Variants in IPMK observed in about 807,000 individuals in gnomAD.
IPMK encodes inositol 1,3,4,6-tetrakisphosphate 5-kinase.
In IPMK, 17 loss-of-function variants were observed where a neutral mutation model predicts 45.8. The ratio of observed to expected loss-of-function variants is 0.37; its 90% CI spans 0.25 to 0.56. The LOEUF (loss-of-function observed/expected upper bound fraction) is 0.56, where lower values mean the gene tolerates loss of function less well. IPMK is among the 20% of genes least tolerant of loss of function. The pLI is 0.79. For synonymous variants in IPMK, 180 were observed against 184.3 expected (o/e 0.98, Z 0.19); for missense variants, 399 against 498.0 (o/e 0.80, Z 1.89).
chr10:58,227,290 T>C, intron 2 of IPMK, 151 bp from the exon 3 acceptor site: 1 of 576,860 alleles, frequency 1.7e-6, no homozygotes, highest in East Asian at 2.9e-5. Flanking sequence ...TATTACTGTG[T>C]GTCTCCAATG....
At chr10:58,208,109 T>A (rs532389190) in intron 4 of IPMK, among the ~76,000 whole-genome samples, 40 of 151,954 alleles carry the variant, frequency 2.6e-4, no homozygotes, top group South Asian at 6.2e-4. Flanking sequence ...CCCGGCTAAT[T>A]TTTTGTATTT....
intron 1 of IPMK, among the ~76,000 whole-genome samples, chr10:58,266,168 T>C (rs1588976417): frequency 6.6e-6 from 1 of 151,510 alleles, no homozygotes. Flanking sequence ...CAATATTTCC[T>C]GAGTGTTACT....
chr10:58,201,018 T>C (rs951894455), intron 4 of IPMK, among the ~76,000 whole-genome samples: 2 of 152,146 alleles, frequency 1.3e-5, no homozygotes, highest in African/African-American at 2.4e-5. Context: ...AAAAAAACTG[T>C]TTGAAATTTA....
At chr10:58,255,151 C>T (rs754831912) in intron 1 of IPMK, among the ~76,000 whole-genome samples, 59 of 152,220 alleles carry the variant, frequency 3.9e-4, no homozygotes, top group Non-Finnish European at 1.0e-4. Flanking sequence ...GTCTCTTCAA[C>T]GTGGTTTCCC....
At chr10:58,242,171 A>T (rs1465609632) in intron 1 of IPMK, among the ~76,000 whole-genome samples, 3 of 152,198 alleles carry the variant, frequency 2.0e-5, no homozygotes, top group African/African-American at 7.2e-5. Context: ...CAGACAGGGG[A>T]ACTTAACCAT....
intron 3 of IPMK, among the ~76,000 whole-genome samples, chr10:58,225,943 A>C (rs1390631594): frequency 6.6e-6 from 1 of 152,186 alleles, no homozygotes; most frequent in Admixed American, 6.5e-5. Context: ...TGTTGATCTG[A>C]ATCATAGACA....
Position 58,195,915 on chromosome 10 carries a change from G to A in IPMK, c.*161C>T. The A allele has an allele frequency of 6.0e-6, 4 of 666,066 alleles. No homozygotes were observed. Among genetic ancestry groups the A allele is most frequent in the Non-Finnish European group, 1.0e-5 (4 of 398,122 alleles). 41.3% of individuals were successfully genotyped at this position (666,066 alleles called of 1,614,324 possible). ...TAATGAACAAATAGTTAGTTTTCCTGAGTAAGATTATAAAAAAGTTAACCA... is the reference window on the plus strand; with the variant it reads ...TAATGAACAAATAGTTAGTTTTCCTAAGTAAGATTATAAAAAAGTTAACCA... On this transcript the variant is annotated 3_prime_UTR_variant, in exon 6 of 6. Transcript: ENST00000373935.
chr10:58,252,273 C>T (rs780940052), intron 1 of IPMK, among the ~76,000 whole-genome samples: 1 of 152,142 alleles, frequency 6.6e-6, no homozygotes, highest in Non-Finnish European at 1.5e-5. Flanking sequence ...ACTTTAACAC[C>T]ATATCACCCC....
At chr10:58,230,156 C>A (rs181187687) in intron 2 of IPMK, among the ~76,000 whole-genome samples, 1 of 152,314 alleles carries the variant, frequency 6.6e-6, no homozygotes, top group South Asian at 2.1e-4. Context: ...CTGGGAAGCT[C>A]GAACTGGGTG....
At chr10:58,225,815 T>C (rs1838405460) in intron 3 of IPMK, among the ~76,000 whole-genome samples, 1 of 152,078 alleles carries the variant, frequency 6.6e-6, no homozygotes, top group South Asian at 2.1e-4. Flanking sequence ...TCCTGAAAAC[T>C]TCCACTTACA....
Position 58,267,582 on chromosome 10 carries a change from C to A in IPMK, c.30G>T (p.Arg10=). 1 of 1,605,752 alleles carries A rather than the reference C, an allele frequency of 6.2e-7. No individual in the cohort carries two copies. Among genetic ancestry groups the A allele is most frequent in the South Asian group, 1.1e-5 (1 of 90,256 alleles). MATEPPSPL[R]VEAPGPPEMR... is the part of the protein sequence containing the mutation. ...TTTCTGGGGGGCCCGGCGCCTCGAC[C>A]CGGAGGGGGGATGGTGGCTCTGTTG... Residue 10 remains arginine (R), a synonymous_variant, in exon 1 of 6, where the codon CGG becomes CGT. Coordinates refer to ENST00000373935, the MANE Select transcript of IPMK (RefSeq NM_152230.5).
chr10:58,233,643 A>G (rs1838561983), intron 2 of IPMK, among the ~76,000 whole-genome samples: 1 of 152,212 alleles, frequency 6.6e-6, no homozygotes, highest in Non-Finnish European at 1.5e-5. Context: ...AAAACTCAAT[A>G]AACTAGATAT....
chr10:58,224,564 T>A (rs1838385458), intron 3 of IPMK, among the ~76,000 whole-genome samples: 1 of 152,224 alleles, frequency 6.6e-6, no homozygotes, highest in Admixed American at 6.5e-5. Flanking sequence ...ATGTAAATTA[T>A]ATCTCAATAA....
chr10:58,267,479 C>G lies in IPMK; in HGVS notation c.133G>C (p.Gly45Arg), dbSNP rs1299597343. Residue 45 changes from glycine to arginine, a missense_variant, in exon 1 of 6, where the codon GGC becomes CGC. This residue lies in a region of IPMK where 111 missense variants were observed against 99.9 expected (regional missense o/e 1.11). Coordinates refer to ENST00000373935, the MANE Select transcript of IPMK (RefSeq NM_152230.5). ...PAGGRLRFLN[G>R]CVPLSHQVAG... ...ACCTGATGCGAGAGGGGCACGCAGC[C>G]GTTGAGGAAGCGGAGTCTGCCGCCC... 2 of 1,613,836 alleles carry G rather than the reference C, an allele frequency of 1.2e-6. No individual in the cohort carries two copies. The highest frequency in any genetic ancestry group is 8.5e-7 in the Non-Finnish European group (1 of 1,179,912).
At chr10:58,244,453 C>G (rs1838762140) in intron 1 of IPMK, among the ~76,000 whole-genome samples, 1 of 141,730 alleles carries the variant, frequency 7.1e-6, no homozygotes, top group South Asian at 2.5e-4. Context: ...GTGAGGAGCA[C>G]CTCTGCCCGG....
chr10:58,258,911 T>C (rs567634804), intron 1 of IPMK, among the ~76,000 whole-genome samples: 22 of 152,206 alleles, frequency 1.4e-4, no homozygotes, highest in Non-Finnish European at 2.9e-4. Context: ...GTGGTTCTTT[T>C]AGATGGTTCT....
chr10:58,229,059 A>G (rs1838466025), intron 2 of IPMK, among the ~76,000 whole-genome samples: 1 of 152,118 alleles, frequency 6.6e-6, no homozygotes. Context: ...TAAAATTCAA[A>G]ATCCTGAAAA....
At chr10:58,252,616 T>C (rs886454897) in intron 1 of IPMK, among the ~76,000 whole-genome samples, 24 of 147,258 alleles carry the variant, frequency 1.6e-4, no homozygotes, top group Non-Finnish European at 2.4e-4. Context: ...CTTTTCTTTT[T>C]TTTTTTTTTT....
In IPMK at chr10:58,191,719, C is replaced by T. The variant is rs925657800; in HGVS notation, c.*4357G>A. The stretch of plus-strand genomic sequence containing the variant: ...CACATTTAAAAAAAAACCCTAAAGA[C>T]ATTTATACATTTAAACCAAAGTAAC... On this transcript the variant is annotated 3_prime_UTR_variant, in exon 6 of 6. Coordinates refer to ENST00000373935, the MANE Select transcript of IPMK (RefSeq NM_152230.5). 2.0e-5 allele frequency: 3 copies of T among 151,818 alleles called. No homozygotes were observed. The highest frequency in any genetic ancestry group is 7.3e-5 in the African/African-American group (3 of 41,320). 9.4% of individuals were successfully genotyped at this position (151,818 alleles called of 1,614,324 possible). A position where few individuals can be genotyped will look rare whatever the true frequency, so the allele number is the denominator to read the frequency against.
Sources: allele counts gnomAD v4.1 joint callset (sites outside exome capture counted in the v4.1 genomes callset), GRCh38; gene constraint gnomAD v4.1.1; regional missense constraint gnomAD v4.1.1; transcripts MANE v1.5; gene names NCBI Gene and HGNC (gene_info 2026-07-23, HGNC 2026-07-21).